The following RAD54L2 variants were observed in gnomAD, a reference collection of about 807,000 sequenced individuals.
The protein encoded by RAD54L2 is helicase ARIP4.
Under a neutral mutation model 138.4 loss-of-function variants are expected in RAD54L2, and 27 were observed. The ratio of observed to expected loss-of-function variants is 0.20; its 90% CI spans 0.14 to 0.27. RAD54L2 has a LOEUF of 0.27. RAD54L2 is among the 10% of genes least tolerant of loss of function. The probability of loss-of-function intolerance (pLI) is 1.00; values close to 1 mark genes in which losing one functional copy is unlikely to be tolerated. For synonymous variants in RAD54L2, 644 were observed against 723.2 expected, an observed-to-expected ratio of 0.89 and a Z score of 1.76; for missense variants, 1,396 against 1,890.2, an observed-to-expected ratio of 0.74 and a Z score of 4.85.
intron 2 of RAD54L2, among the ~76,000 whole-genome samples, chr3:51,544,425 A>G (rs1577378031): frequency 6.6e-6 from 1 of 152,178 alleles, no homozygotes; most frequent in South Asian, 2.1e-4. Flanking sequence ...GGGTCTTGCA[A>G]ACATTTCATT....
intron 1 of RAD54L2, 62 bp from the exon 2 acceptor site, chr3:51,541,527 C>T (rs1553671318): frequency 2.0e-5 from 3 of 152,174 alleles, no homozygotes; most frequent in South Asian, 2.1e-4. Flanking sequence ...CACTCCTTCC[C>T]ACTGTGGTTT....
At chr3:51,628,101 A>G (rs1700735762) in intron 4 of RAD54L2, among the ~76,000 whole-genome samples, 1 of 152,170 alleles carries the variant, frequency 6.6e-6, no homozygotes, top group Non-Finnish European at 1.5e-5. Flanking sequence ...GAGACTTTAT[A>G]AAGTTGAGTT....
At chr3:51,625,865 CA>C (rs148110301) in intron 3 of RAD54L2, among the ~76,000 whole-genome samples, 9 of 145,314 alleles carry the variant, frequency 6.2e-5, no homozygotes, top group African/African-American at 7.6e-5. Context: ...CTATCTCTTA[CA>C]AAAAAAAAAT....
chr3:51,613,539 C>T (rs948220836), intron 3 of RAD54L2, among the ~76,000 whole-genome samples: 1 of 152,038 alleles, frequency 6.6e-6, no homozygotes, highest in Non-Finnish European at 1.5e-5. Flanking sequence ...GAGGCTGAGG[C>T]GGGTGGGTCA....
chr3:51,619,628 G>T (rs919726106), intron 3 of RAD54L2, among the ~76,000 whole-genome samples: 2 of 151,882 alleles, frequency 1.3e-5, no homozygotes, highest in African/African-American at 2.4e-5. Flanking sequence ...CTCAAATACA[G>T]TGTCATGGTT....
At chr3:51,586,102 T>C (rs915469772) in intron 2 of RAD54L2, among the ~76,000 whole-genome samples, 1 of 151,984 alleles carries the variant, frequency 6.6e-6, no homozygotes, top group Non-Finnish European at 1.5e-5. Flanking sequence ...TCTGAAAGGC[T>C]ATGCCCACAT....
intron 3 of RAD54L2, among the ~76,000 whole-genome samples, chr3:51,619,316 C>G (rs1700518096): frequency 6.6e-6 from 1 of 152,158 alleles, no homozygotes; most frequent in Admixed American, 6.5e-5. Flanking sequence ...CTTGGCCTCC[C>G]AAAGTGCTGG....
At chr3:51,629,281 C>G in intron 4 of RAD54L2, 53 bp from the exon 5 acceptor site, 3 of 1,536,446 alleles carry the variant, frequency 2.0e-6, no homozygotes, top group Non-Finnish European at 1.8e-6. Flanking sequence ...CTTGCCATTA[C>G]ATTGCCCAAA....
At chr3:51,575,797 G>A (rs1467045824) in intron 2 of RAD54L2, among the ~76,000 whole-genome samples, 1 of 152,042 alleles carries the variant, frequency 6.6e-6, no homozygotes, top group Non-Finnish European at 1.5e-5. Flanking sequence ...CTGCAAACAG[G>A]GACAATTTGA....
chr3:51,546,128 A>T lies in RAD54L2; in HGVS notation c.-55+4478A>T, dbSNP rs1262161576. ...TAATTTTTGTATTTTTAGTAGAGAC[A>T]GGGTTTCGCCATGTTGGCCAGGCTG... is the stretch of plus-strand genomic sequence containing the variant. On this transcript the variant is annotated intron_variant, in intron 2 of 22. Coordinates refer to ENST00000684192, the MANE Select transcript of RAD54L2 (RefSeq NM_015106.4). Among the ~76,000 whole-genome samples, 5 of 150,954 alleles carry T rather than the reference A, an allele frequency of 3.3e-5. No individual in the cohort carries two copies. In the South Asian group the frequency reaches 8.4e-4, roughly 25 times the overall value.
rs547230945 is a variant in RAD54L2, at chr3:51,597,782, C to T, written c.139+7223C>T. Among the ~76,000 whole-genome samples the T allele has an allele frequency of 1.2e-4, 18 of 151,992 alleles. No individual in the cohort carries two copies. The East Asian group carries it at 1.4e-3, about 11-fold the overall frequency. On this transcript the variant is annotated intron_variant, in intron 3 of 22. Coordinates refer to ENST00000684192, the MANE Select transcript of RAD54L2 (RefSeq NM_015106.4). ...GGCAGTGGTTGCAGCGAGCCGAGAT[C>T]GTGCCATTGCACTCCAGCCTGGGTG...
intron 1 of RAD54L2, among the ~76,000 whole-genome samples, chr3:51,540,905 G>A (rs1205964543): frequency 6.6e-6 from 1 of 152,032 alleles, no homozygotes; most frequent in Non-Finnish European, 1.5e-5. Context: ...AGCCGGTGGG[G>A]TGGCATGTGC....
At chr3:51,581,286 C>T (rs758177571) in intron 2 of RAD54L2, among the ~76,000 whole-genome samples, 41 of 152,072 alleles carry the variant, frequency 2.7e-4, no homozygotes, top group Non-Finnish European at 4.3e-4. Flanking sequence ...TTAGTAGAAA[C>T]GGGGTTTCAC....
chr3:51,612,627 T>TA (rs1314122590), intron 3 of RAD54L2, among the ~76,000 whole-genome samples: 3 of 152,122 alleles, frequency 2.0e-5, no homozygotes, highest in Non-Finnish European at 4.4e-5. Context: ...CTTATATACT[T>TA]ATGTTGTTAG....
chr3:51,575,823 A>G (rs188336403), intron 2 of RAD54L2, among the ~76,000 whole-genome samples: 1 of 152,218 alleles, frequency 6.6e-6, no homozygotes, highest in African/African-American at 2.4e-5. Context: ...TCTTTTCCTA[A>G]TTGAATACCC....
intron 22 of RAD54L2, among the ~76,000 whole-genome samples, chr3:51,661,717 C>G (rs900474450): frequency 2.0e-5 from 3 of 152,152 alleles, no homozygotes; most frequent in Non-Finnish European, 2.9e-5. Context: ...AAAAATAGCA[C>G]CATGAGCACC....
In RAD54L2 at chr3:51,668,065, CTGTG is replaced by C. The variant is rs35035597; in HGVS notation, c.*4662_*4665del. 4.6e-4 allele frequency: 69 copies of C among 150,058 alleles called. No homozygotes were observed. Among genetic ancestry groups the C allele is most frequent in the East Asian group, 1.6e-3 (8 of 5,158 alleles). 9.3% of individuals were successfully genotyped at this position (150,058 alleles called of 1,614,324 possible). ...CTCCCTGGAAGAGAGCTCAGCCCAG[CTGTG>C]TGTGTGTGTGTGTGTGAGTGTGTGT... On this transcript the variant is annotated 3_prime_UTR_variant, in exon 23 of 23. Transcript: ENST00000684192.
intron 20 of RAD54L2, among the ~76,000 whole-genome samples, chr3:51,656,737 A>G (rs1701609751): frequency 6.6e-6 from 1 of 152,048 alleles, no homozygotes; most frequent in African/African-American, 2.4e-5. Flanking sequence ...AATATTTATA[A>G]TATATAAATT....
chr3:51,584,217 T>G (rs1390999397), intron 2 of RAD54L2, among the ~76,000 whole-genome samples: 1 of 152,162 alleles, frequency 6.6e-6, no homozygotes, highest in African/African-American at 2.4e-5. Flanking sequence ...CCAGGCTACA[T>G]TGTGCTATCT....
Sources: gnomAD v4.1 joint callset for allele counts (sites outside exome capture counted in the v4.1 genomes callset) on GRCh38, gnomAD v4.1.1 for gene constraint, MANE v1.5 for transcripts, NCBI Gene and HGNC (gene_info 2026-07-23, HGNC 2026-07-21) for gene names.